Variants in CDYL observed in about 807,000 individuals in gnomAD.
CDYL encodes chromodomain Y like.
Under a neutral mutation model 47.3 loss-of-function variants are expected in CDYL, and 8 were observed. That is an observed-to-expected ratio of 0.17 (90% CI 0.10 to 0.31). The LOEUF is 0.31. CDYL is among the 10% of genes least tolerant of loss of function. The pLI is 1.00. For synonymous variants in CDYL, 266 were observed against 265.0 expected, an observed-to-expected ratio of 1.00 and a Z score of -0.04; for missense variants, 471 against 701.4, an observed-to-expected ratio of 0.67 and a Z score of 3.71.
At chr6:4,723,979 C>A (rs895323993) in intron 2 of CDYL, among the ~76,000 whole-genome samples, 2 of 152,176 alleles carry the variant, frequency 1.3e-5, no homozygotes, top group African/African-American at 4.8e-5. Flanking sequence ...ATTTATGTAT[C>A]CGTGAAATTA....
intron 1 of CDYL, among the ~76,000 whole-genome samples, chr6:4,848,460 A>G (rs1486693738): frequency 1.3e-5 from 2 of 152,196 alleles, no homozygotes; most frequent in African/African-American, 2.4e-5. Context: ...TATGCCTCCT[A>G]TTATAGTGTT....
chr6:4,827,769 C>G (rs756432601), intron 1 of CDYL, among the ~76,000 whole-genome samples: 2 of 152,188 alleles, frequency 1.3e-5, no homozygotes, highest in Admixed American at 6.5e-5. Flanking sequence ...GATCTCCTGC[C>G]TCAGCCTCCC....
At chr6:4,769,435 C>T (rs1462316869) in intron 3 of CDYL, among the ~76,000 whole-genome samples, 3 of 152,010 alleles carry the variant, frequency 2.0e-5, no homozygotes, top group African/African-American at 7.2e-5. Flanking sequence ...GGTCTGAATA[C>T]GGAAATCATA....
At chr6:4,819,214 A>C (rs965895941) in intron 1 of CDYL, among the ~76,000 whole-genome samples, 2 of 145,414 alleles carry the variant, frequency 1.4e-5, no homozygotes, top group Admixed American at 1.4e-4. Flanking sequence ...TTTTTCGTGA[A>C]TAGGGATGTT....
chr6:4,892,146 C>T lies in CDYL; in HGVS notation c.458C>T (p.Thr153Ile), dbSNP rs760203897. ...LVPKSPVKSRTAVDGFQSESP... is the reference protein window; with the variant it reads ...LVPKSPVKSRIAVDGFQSESP... ...CCTAAAAGCCCCGTTAAGAGCAGGA[C>T]CGCAGTGGACGGCTTTCAGAGCGAG... Residue 153 changes from threonine (T) to isoleucine (I), a missense_variant, in exon 2 of 7, where the codon ACC becomes ATC. Around this residue, in one of 3 missense-constraint regions of CDYL, gnomAD observed 311 missense variants for 350.0 expected, o/e 0.89. Transcript: ENST00000397588. 3.1e-6 allele frequency: 5 copies of T among 1,614,134 alleles called. No homozygotes were observed. The African/African-American group carries it at 6.7e-5, about 22-fold the overall frequency.
intron 1 of CDYL, among the ~76,000 whole-genome samples, chr6:4,813,909 A>G (rs1759597156): frequency 6.8e-6 from 1 of 148,132 alleles, no homozygotes. Context: ...GGCTGGAACT[A>G]CAGAAGTGTG....
Position 4,832,252 on chromosome 6 carries a change from C to T in CDYL, c.24+55445C>T, listed in dbSNP as rs936077419. Among the ~76,000 whole-genome samples, 6 of 152,302 alleles carry T rather than the reference C, an allele frequency of 3.9e-5. 1 individual carries two copies. The East Asian group carries it at 1.2e-3, about 29-fold the overall frequency. ...CTTATTATTTTGAGATAAGTCCCAT[C>T]AATACCTAATTTATTGAGAGTTTTT... On this transcript the variant is annotated intron_variant, in intron 1 of 6. Transcript: ENST00000397588.
intron 1 of CDYL, among the ~76,000 whole-genome samples, chr6:4,836,910 T>C (rs545863149): frequency 1.6e-4 from 25 of 152,308 alleles, no homozygotes; most frequent in African/African-American, 5.5e-4. Context: ...AATGGAATTA[T>C]GTGAGTGCCC....
At chr6:4,925,624 GC>G (rs1244421820) in intron 2 of CDYL, among the ~76,000 whole-genome samples, 1 of 151,972 alleles carries the variant, frequency 6.6e-6, no homozygotes, top group Non-Finnish European at 1.5e-5. Context: ...CACCGTGTCA[GC>G]CAGGATGGTC....
chr6:4,807,487 T>C (rs1759403112), intron 1 of CDYL, among the ~76,000 whole-genome samples: 2 of 152,106 alleles, frequency 1.3e-5, no homozygotes, highest in Admixed American at 1.3e-4. Context: ...TCTGTGGTGC[T>C]TACCTAATGG....
intron 1 of CDYL, among the ~76,000 whole-genome samples, chr6:4,870,399 T>A (rs976372815): frequency 3.3e-5 from 5 of 152,256 alleles, no homozygotes; most frequent in African/African-American, 1.2e-4. Context: ...TATTCCTGTA[T>A]AAATTATGAA....
intron 1 of CDYL, among the ~76,000 whole-genome samples, chr6:4,793,145 T>C (rs1561640552): frequency 6.6e-6 from 1 of 151,514 alleles, no homozygotes; most frequent in Non-Finnish European, 1.5e-5. Context: ...TGGTGTGCTC[T>C]TCCATCTACA....
chr6:4,895,995 C>T (rs1185337812), intron 2 of CDYL, among the ~76,000 whole-genome samples: 2 of 152,104 alleles, frequency 1.3e-5, no homozygotes, highest in South Asian at 2.1e-4. Context: ...TTTCCAAGGC[C>T]CTCACCATCA....
chr6:4,735,184 G>T (rs989292079), intron 3 of CDYL, among the ~76,000 whole-genome samples: 6 of 152,064 alleles, frequency 3.9e-5, no homozygotes, highest in Non-Finnish European at 8.8e-5. Flanking sequence ...TACTTAGGAG[G>T]CTGAGGCAGG....
At chr6:4,925,434 CAG>C (rs1193350230) in intron 2 of CDYL, among the ~76,000 whole-genome samples, 3 of 95,950 alleles carry the variant, frequency 3.1e-5, no homozygotes, top group South Asian at 3.7e-4. Context: ...TTTTTTGAGA[CAG>C]AATCTCACTC....
intron 2 of CDYL, among the ~76,000 whole-genome samples, chr6:4,896,132 G>T (rs549696032): frequency 8.8e-4 from 134 of 152,192 alleles, no homozygotes; most frequent in Non-Finnish European, 1.7e-3. Context: ...AGCTGTTAGG[G>T]AGCATTTTTA....
intron 1 of CDYL, among the ~76,000 whole-genome samples, chr6:4,862,550 T>C (rs1472648047): frequency 6.6e-6 from 1 of 152,194 alleles, no homozygotes; most frequent in Non-Finnish European, 1.5e-5. Flanking sequence ...GCTGTAAACA[T>C]GATCTAATAA....
chr6:4,876,839 A>G (rs1009375001), intron 1 of CDYL, among the ~76,000 whole-genome samples: 2 of 152,226 alleles, frequency 1.3e-5, no homozygotes, highest in African/African-American at 2.4e-5. Flanking sequence ...CAGAGGTAGA[A>G]TGCTGTGTTC....
intron 1 of CDYL, among the ~76,000 whole-genome samples, chr6:4,860,211 G>A (rs1761125051): frequency 6.6e-6 from 1 of 152,022 alleles, no homozygotes; most frequent in Non-Finnish European, 1.5e-5. Context: ...AGTTCATAAG[G>A]ATCGTAAGAA....
Sources: allele counts gnomAD v4.1 joint callset (sites outside exome capture counted in the v4.1 genomes callset), GRCh38; gene constraint gnomAD v4.1.1; regional missense constraint gnomAD v4.1.1; transcripts MANE v1.5; gene names NCBI Gene and HGNC (gene_info 2026-07-23, HGNC 2026-07-21).